TUSC3: variants seen among roughly 807,000 people sequenced by gnomAD.
TUSC3 encodes dolichyl-diphosphooligosaccharide--protein glycosyltransferase subunit TUSC3.
Under a neutral mutation model 44.8 loss-of-function variants are expected in TUSC3, and 45 were observed. The ratio of observed to expected loss-of-function variants is 1.00; its 90% CI spans 0.79 to 1.29. The LOEUF is 1.29. TUSC3 is among the 50% of genes most tolerant of loss of function. The pLI is 0.00. For synonymous variants in TUSC3, 212 were observed against 152.9 expected (o/e 1.39, Z -2.85); for missense variants, 519 against 437.9 (o/e 1.19, Z -1.65).
At chr8:15,423,929 C>G (rs1799769692) in intron 1 of TUSC3, among the ~76,000 whole-genome samples, 1 of 121,254 alleles carries the variant, frequency 8.2e-6, no homozygotes, top group Non-Finnish European at 1.7e-5. Context: ...CCAGGAAAGT[C>G]TTCGTTTTTT....
At chr8:15,464,743 T>G (rs1367282543) in intron 1 of TUSC3, among the ~76,000 whole-genome samples, 1 of 152,244 alleles carries the variant, frequency 6.6e-6, no homozygotes, top group Non-Finnish European at 1.5e-5. Flanking sequence ...ATCATTTATT[T>G]ACAGCCAGTG....
At chr8:15,539,848 G>C (rs1183926536), upstream of TUSC3, among the ~76,000 whole-genome samples, 2 of 152,106 alleles carry the variant, frequency 1.3e-5, no homozygotes, top group Non-Finnish European at 2.9e-5. Flanking sequence ...TTGTGGGGCG[G>C]CTTCTGTGCA....
At chr8:15,660,022 C>T (rs187922842) in intron 4 of TUSC3, among the ~76,000 whole-genome samples, 131 of 152,072 alleles carry the variant, frequency 8.6e-4, no homozygotes, top group African/African-American at 3.0e-3. Flanking sequence ...CTTAAAGCTA[C>T]GTGGAAAAAT....
chr8:15,568,325 A>G (rs1434626049), intron 1 of TUSC3, among the ~76,000 whole-genome samples: 2 of 152,180 alleles, frequency 1.3e-5, no homozygotes, highest in African/African-American at 2.4e-5. Flanking sequence ...CAATGCAGAA[A>G]TAAACAAAAT....
At chr8:15,489,375 G>A (rs566854857) in intron 2 of TUSC3, among the ~76,000 whole-genome samples, 146 of 152,236 alleles carry the variant, frequency 9.6e-4, no homozygotes, top group African/African-American at 3.3e-3. Context: ...TTATGCAGAT[G>A]AAGTCTCACA....
chr8:15,639,840 A>G (rs2129171288), intron 2 of TUSC3, among the ~76,000 whole-genome samples: 1 of 151,956 alleles, frequency 6.6e-6, no homozygotes, highest in Non-Finnish European at 1.5e-5. Flanking sequence ...ATATGAGTAA[A>G]ACCACTTCAG....
intron 1 of TUSC3, among the ~76,000 whole-genome samples, chr8:15,616,176 A>AT (rs149508116): frequency 0.18 from 27,990 of 152,204 alleles, 2,576 homozygotes; most frequent in South Asian, 0.27. Context: ...AGAGATCTTG[A>AT]TTTTTTTGCT....
downstream of TUSC3, among the ~76,000 whole-genome samples, chr8:15,770,406 CAG>C (rs757721716): frequency 3.9e-5 from 6 of 152,140 alleles, no homozygotes; most frequent in East Asian, 1.9e-4. Context: ...CGAGGCCTGT[CAG>C]GGGATCAGGG....
the TUSC3 span, among the ~76,000 whole-genome samples, chr8:15,813,131 G>A: frequency 2.0e-5 from 3 of 151,898 alleles, no homozygotes; most frequent in South Asian, 6.2e-4. Flanking sequence ...AAAAAATGCT[G>A]CCATTGATCC....
chr8:15,543,084 C>A (rs1048458514), intron 1 of TUSC3, among the ~76,000 whole-genome samples: 1 of 152,172 alleles, frequency 6.6e-6, no homozygotes, highest in African/African-American at 2.4e-5. Context: ...AGTGTGGTCA[C>A]CAATGTGGTA....
intron 1 of TUSC3, among the ~76,000 whole-genome samples, chr8:15,442,864 G>A (rs913365946): frequency 2.0e-5 from 3 of 152,272 alleles, no homozygotes; most frequent in Middle Eastern, 3.4e-3. Flanking sequence ...GAGCCCAGTT[G>A]TAGACAAGAA....
chr8:15,515,530 G>T (rs1801204959), intron 2 of TUSC3, among the ~76,000 whole-genome samples: 1 of 152,008 alleles, frequency 6.6e-6, no homozygotes, highest in African/African-American at 2.4e-5. Flanking sequence ...TCATTAATAG[G>T]TATAGATTAG....
intron 2 of TUSC3, among the ~76,000 whole-genome samples, chr8:15,639,928 C>G (rs1021819202): frequency 6.6e-6 from 1 of 151,978 alleles, no homozygotes; most frequent in African/African-American, 2.4e-5. Flanking sequence ...TTTTATTTAT[C>G]AGAAGACAGT....
intron 4 of TUSC3, among the ~76,000 whole-genome samples, chr8:15,660,250 G>A (rs1807358201): frequency 6.6e-6 from 1 of 151,808 alleles, no homozygotes; most frequent in Admixed American, 6.6e-5. Flanking sequence ...CTAAAAATAA[G>A]AAAAAGTAAA....
intron 2 of TUSC3, among the ~76,000 whole-genome samples, chr8:15,649,714 G>C (rs536626640): frequency 2.0e-5 from 3 of 151,202 alleles, no homozygotes; most frequent in African/African-American, 7.3e-5. Context: ...AATCTCCTTT[G>C]AGAGTCTAAC....
At chr8:15,704,587 C>T (rs1185058377) in intron 6 of TUSC3, among the ~76,000 whole-genome samples, 1 of 152,110 alleles carries the variant, frequency 6.6e-6, no homozygotes, top group East Asian at 1.9e-4. Context: ...CTAAACTAGA[C>T]TGTAACGCTG....
At chr8:15,481,469 T>C (rs1290264663) in intron 1 of TUSC3, among the ~76,000 whole-genome samples, 1 of 152,104 alleles carries the variant, frequency 6.6e-6, no homozygotes, top group African/African-American at 2.4e-5. Context: ...CCTCACCAAA[T>C]GCCAGTTCCT....
chr8:15,482,029 G>A (rs1411920546), intron 1 of TUSC3, among the ~76,000 whole-genome samples: 1 of 152,164 alleles, frequency 6.6e-6, no homozygotes, highest in Non-Finnish European at 1.5e-5. Context: ...CTAAGTTTAT[G>A]TATACTTGAA....
chr8:15,817,690 C>T, the TUSC3 span, among the ~76,000 whole-genome samples: 1 of 152,148 alleles, frequency 6.6e-6, no homozygotes, highest in African/African-American at 2.4e-5. Context: ...TTGCCCAAGG[C>T]CTCCCAAGCC....
Sources: allele counts gnomAD v4.1 joint callset (sites outside exome capture counted in the v4.1 genomes callset), GRCh38; gene constraint gnomAD v4.1.1; transcripts MANE v1.5; gene names NCBI Gene and HGNC (gene_info 2026-07-23, HGNC 2026-07-21).